ELAVL3: variants seen among roughly 807,000 people sequenced by gnomAD.
The protein encoded by ELAVL3 is ELAV like RNA binding protein 3, also known as ELAV-like protein 3.
Under a neutral mutation model 34.2 loss-of-function variants are expected in ELAVL3, and 8 were observed. The ratio of observed to expected loss-of-function variants is 0.23; its 90% CI spans 0.14 to 0.42. The LOEUF (loss-of-function observed/expected upper bound fraction) is 0.42. ELAVL3 is among the 10% of genes least tolerant of loss of function. ELAVL3 has a pLI of 1.00. For synonymous variants in ELAVL3, 209 were observed against 222.1 expected (o/e 0.94, Z 0.53); for missense variants, 273 against 518.8 (o/e 0.53, Z 4.60).
intron 3 of ELAVL3, among the ~76,000 whole-genome samples, chr19:11,463,459 C>G (rs1283001155): frequency 6.6e-6 from 1 of 152,180 alleles, no homozygotes; most frequent in Admixed American, 6.5e-5. Context: ...AGGAGGGAGT[C>G]TCAGAGAATT....
Position 11,454,182 on chromosome 19 carries a change from G to C in ELAVL3, c.*344C>G, listed in dbSNP as rs1415334904. Reference sequence around the variant, plus strand: ...AGCCCCCCAAGCCATCCCATCGGGGGTGGTCGAGGGTGGGGGTGGGGGCAC... The same window carrying C: ...AGCCCCCCAAGCCATCCCATCGGGGCTGGTCGAGGGTGGGGGTGGGGGCAC... On this transcript the variant is annotated 3_prime_UTR_variant, in exon 7 of 7. Transcript: ENST00000359227. The surrounding 1 kb of genome is among the most constrained non-coding windows in gnomAD (Gnocchi z 9.2). 1.7e-5 allele frequency: 4 copies of C among 229,994 alleles called. No homozygotes were observed. Among genetic ancestry groups the C allele is most frequent in the Non-Finnish European group, 3.4e-5 (4 of 116,262 alleles). 14.2% of individuals were successfully genotyped at this position (229,994 alleles called of 1,614,324 possible).
intron 3 of ELAVL3, among the ~76,000 whole-genome samples, chr19:11,460,371 C>T (rs898829417): frequency 1.9e-4 from 28 of 150,554 alleles, no homozygotes; most frequent in Non-Finnish European, 2.2e-4. Context: ...GTCCCCCCTA[C>T]GGCAGCCAGA....
chr19:11,457,315 T>C (rs1458308065), intron 5 of ELAVL3, among the ~76,000 whole-genome samples, 167 bp from the exon 6 acceptor site: 2 of 150,476 alleles, frequency 1.3e-5, no homozygotes, highest in African/African-American at 4.9e-5. Flanking sequence ...CACGGAACCG[T>C]GGTCACTCAG....
intron 3 of ELAVL3, among the ~76,000 whole-genome samples, chr19:11,462,458 G>A (rs1970907689): frequency 1.3e-5 from 2 of 150,166 alleles, no homozygotes; most frequent in Non-Finnish European, 3.0e-5. Context: ...CCAACATGGT[G>A]AAACCCCGTC....
intron 6 of ELAVL3, among the ~76,000 whole-genome samples, chr19:11,455,703 A>G (rs311793): frequency 0.15 from 23,011 of 152,026 alleles, 1,953 homozygotes; most frequent in African/African-American, 0.22. Context: ...AAAGTGCTGA[A>G]ATTACAGGTG....
intron 1 of ELAVL3, among the ~76,000 whole-genome samples, chr19:11,469,435 C>A (rs1184799476): frequency 6.6e-6 from 1 of 152,106 alleles, no homozygotes; most frequent in African/African-American, 2.4e-5. Flanking sequence ...CATGCGCCAC[C>A]ATGCCCGGCT....
intron 1 of ELAVL3, among the ~76,000 whole-genome samples, chr19:11,471,125 T>C (rs1016496785): frequency 4.2e-5 from 6 of 142,858 alleles, no homozygotes; most frequent in African/African-American, 1.6e-4. Flanking sequence ...GCCTGGCCAA[T>C]ATGGTGAAAT....
intron 1 of ELAVL3, among the ~76,000 whole-genome samples, chr19:11,474,978 A>G (rs1193316012): frequency 4.0e-5 from 6 of 151,660 alleles, no homozygotes; most frequent in Non-Finnish European, 5.9e-5. Flanking sequence ...ACAGGCACCC[A>G]CCACCACGCC....
intron 1 of ELAVL3, among the ~76,000 whole-genome samples, chr19:11,474,988 C>G (rs2144912167): frequency 6.6e-6 from 1 of 152,272 alleles, no homozygotes; most frequent in South Asian, 2.1e-4. Context: ...ACCACCACGC[C>G]TGGCTAATTT....
Position 11,477,974 on chromosome 19 carries a change from G to A in ELAVL3, c.9+2626C>T, listed in dbSNP as rs187726156. ...CAAAGTGCTGAGATTACAGGCATGA[G>A]CCACCGTGCTAGATCCTATTTTTGA... On this transcript the variant is annotated intron_variant, in intron 1 of 6. Coordinates refer to ENST00000359227, the MANE Select transcript of ELAVL3 (RefSeq NM_001420.4). 3.3e-4 allele frequency among the ~76,000 whole-genome samples: 50 copies of A among 152,304 alleles called. No homozygotes were observed. In the East Asian group the frequency reaches 8.7e-3, roughly 26 times the overall value.
Position 11,451,332 on chromosome 19 carries a change from T to G in ELAVL3, c.*3194A>C, listed in dbSNP as rs1160379123. On this transcript the variant is annotated 3_prime_UTR_variant, in exon 7 of 7. Transcript: ENST00000359227. Reference sequence around the variant, plus strand: ...GCAGAGATCACCCAAGGCCTTAAGATTCTGAACTTTTATTTTCTGGCATGA... The same window carrying G: ...GCAGAGATCACCCAAGGCCTTAAGAGTCTGAACTTTTATTTTCTGGCATGA... 6.6e-6 allele frequency: 1 copy of G among 152,238 alleles called. No individual in the cohort carries two copies. Among genetic ancestry groups the G allele is most frequent in the Non-Finnish European group, 1.5e-5 (1 of 68,036 alleles). The allele number at this position is 152,238 out of a possible 1,614,324, so 9.4% of individuals were successfully genotyped here.
intron 1 of ELAVL3, among the ~76,000 whole-genome samples, chr19:11,472,499 A>C (rs1971183521): frequency 6.6e-6 from 1 of 151,926 alleles, no homozygotes; most frequent in South Asian, 2.1e-4. Flanking sequence ...TCAGGAGTTC[A>C]AGCCCAGCCT....
At chr19:11,460,007 C>T (rs1415859433) in intron 3 of ELAVL3, among the ~76,000 whole-genome samples, 1 of 152,096 alleles carries the variant, frequency 6.6e-6, no homozygotes, top group Non-Finnish European at 1.5e-5. Context: ...CCCCAGTCTG[C>T]ACCCCTGGTG....
rs528456623 is a variant in ELAVL3 at position 11,465,583 on chromosome 19, G to A, written c.333+589C>T. Among the ~76,000 whole-genome samples, 18 of 146,090 alleles carry A rather than the reference G, an allele frequency of 1.2e-4. No individual in the cohort carries two copies. In the East Asian group the frequency reaches 3.0e-3, roughly 24 times the overall value. The stretch of plus-strand genomic sequence containing the variant: ...TCCCATGTTGAACTGGGGGCCAGAT[G>A]GGCCACCCCCCCGACCCTGGCTTCC... On this transcript the variant is annotated intron_variant, in intron 3 of 6. Coordinates refer to ENST00000359227, the MANE Select transcript of ELAVL3 (RefSeq NM_001420.4).
chr19:11,456,094 C>G (rs761173993), intron 6 of ELAVL3, among the ~76,000 whole-genome samples: 2 of 152,090 alleles, frequency 1.3e-5, no homozygotes, highest in African/African-American at 4.8e-5. Flanking sequence ...GCTGGGTCTC[C>G]GTCACCCCTT....
At chr19:11,479,895 G>C (rs1971340251) in intron 1 of ELAVL3, among the ~76,000 whole-genome samples, 3 of 151,782 alleles carry the variant, frequency 2.0e-5, no homozygotes, top group African/African-American at 7.3e-5. Context: ...CCATCTCCCG[G>C]GGGGCGGAGA....
intron 5 of ELAVL3, among the ~76,000 whole-genome samples, 185 bp downstream of exon 5, chr19:11,457,876 G>A (rs1970802639): frequency 1.3e-5 from 2 of 152,210 alleles, no homozygotes; most frequent in South Asian, 2.1e-4. Context: ...CAATCGTCGC[G>A]GCCAGCACAC....
At position 11,466,375 on chromosome 19, in the gene ELAVL3, C is replaced by T; in HGVS notation, c.230-100G>A. ...GACTGTCCCCTCCCCACCAAGTTTC[C>T]ACCTTCCTGTTTCCAGATGACACCT... On this transcript the variant is annotated intron_variant, in intron 2 of 6. Transcript: ENST00000359227. This position sits in a 1 kb window ranked among gnomAD's most constrained non-coding sequence, Gnocchi z 5.0. The T allele has an allele frequency of 8.2e-7, 1 of 1,220,718 alleles. No homozygotes were observed. The highest frequency in any genetic ancestry group is 2.6e-4 in the Middle Eastern group (1 of 3,904). 75.6% of individuals were successfully genotyped at this position (1,220,718 alleles called of 1,614,324 possible). A position where few individuals can be genotyped will look rare whatever the true frequency, so the allele number is the denominator to read the frequency against.
Position 11,458,635 on chromosome 19 carries a change from AG to A in ELAVL3, c.334-25del, listed in dbSNP as rs752180915. ...ACCTGGGTGAGGGGGTCAGATGGAC[AG>A]GGGTGAGGCAGAGACCCATTTCACA... On this transcript the variant is annotated intron_variant, in intron 3 of 6. Transcript: ENST00000359227. The surrounding 1 kb of genome is among the most constrained non-coding windows in gnomAD (Gnocchi z 7.3). The A allele has an allele frequency of 5.6e-6, 9 of 1,612,046 alleles. No homozygotes were observed. The highest frequency in any genetic ancestry group is 7.6e-6 in the Non-Finnish European group (9 of 1,179,700).
Sources: gnomAD v4.1 joint callset for allele counts (sites outside exome capture counted in the v4.1 genomes callset) on GRCh38, gnomAD v4.1.1 for gene constraint, Gnocchi (gnomAD v3.1) non-coding constraint, MANE v1.5 for transcripts, NCBI Gene and HGNC (gene_info 2026-07-23, HGNC 2026-07-21) for gene names.